Variants in NELL1 observed in about 807,000 individuals in gnomAD.
The protein encoded by NELL1 is protein kinase C-binding protein NELL1.
In NELL1, 76 loss-of-function variants were observed where a neutral mutation model predicts 107.4. The ratio of observed to expected loss-of-function variants is 0.71; its 90% CI spans 0.59 to 0.86. NELL1 has a LOEUF of 0.86. Among genes scored for constraint, NELL1 ranks in the 40% least tolerant of loss-of-function variants. The probability of loss-of-function intolerance (pLI) is 0.00; values close to 1 mark genes in which losing one functional copy is unlikely to be tolerated. For missense variants in NELL1, 1,024 were observed against 1,005.5 expected, an observed-to-expected ratio of 1.02 and a Z score of -0.25; for synonymous variants, 353 against 341.2, an observed-to-expected ratio of 1.03 and a Z score of -0.38.
chr11:20,713,935 A>T (rs1240896224), intron 2 of NELL1, among the ~76,000 whole-genome samples: 1 of 152,126 alleles, frequency 6.6e-6, no homozygotes, highest in Admixed American at 6.5e-5. Context: ...AGATCTGGAT[A>T]TTCAGATTCC....
At chr11:21,225,499 C>A (rs1250294477) in intron 13 of NELL1, among the ~76,000 whole-genome samples, 2 of 152,082 alleles carry the variant, frequency 1.3e-5, no homozygotes, top group Non-Finnish European at 2.9e-5. Context: ...TCTGTAATGC[C>A]TTTTTAAGTT....
chr11:21,134,315 ATTGTTG>A (rs959164583), intron 13 of NELL1, among the ~76,000 whole-genome samples: 1 of 152,018 alleles, frequency 6.6e-6, no homozygotes, highest in Non-Finnish European at 1.5e-5. Context: ...TTTTGTCCTT[ATTGTTG>A]TTGTTGTTGG....
chr11:21,221,110 G>T (rs1217586079), intron 13 of NELL1, among the ~76,000 whole-genome samples: 1 of 152,084 alleles, frequency 6.6e-6, no homozygotes, highest in Non-Finnish European at 1.5e-5. Context: ...TGCTTTCTCT[G>T]CATCTATTGA....
intron 9 of NELL1, 49 bp from the exon 10 acceptor site, chr11:20,937,737 T>C (rs761398046): frequency 4.2e-6 from 6 of 1,419,564 alleles, no homozygotes; most frequent in Non-Finnish European, 5.0e-6. Flanking sequence ...TCTGAGGTCA[T>C]TTTGTGGCAC....
At chr11:21,489,859 G>A (rs1214529007) in intron 15 of NELL1, among the ~76,000 whole-genome samples, 1 of 152,004 alleles carries the variant, frequency 6.6e-6, no homozygotes, top group Non-Finnish European at 1.5e-5. Flanking sequence ...GTGGGGAAAA[G>A]CTGAAAATTT....
chr11:20,841,657 C>T lies in NELL1; in HGVS notation c.336-5926C>T, dbSNP rs1848625035. ...TTTTTGGAGGTGGATCTCTTTTAGC[C>T]AGAGGAAATCTTACAGGAAACTCCA... On this transcript the variant is annotated intron_variant, in intron 3 of 19. Transcript: ENST00000357134. Among the ~76,000 whole-genome samples, 3 of 152,138 alleles carry T rather than the reference C, an allele frequency of 2.0e-5. No individual in the cohort carries two copies. The South Asian group carries it at 6.2e-4, about 32-fold the overall frequency.
chr11:20,774,579 C>T (rs1856712379), intron 2 of NELL1, among the ~76,000 whole-genome samples: 1 of 151,992 alleles, frequency 6.6e-6, no homozygotes, highest in South Asian at 2.1e-4. Context: ...GATCCATTCA[C>T]TTTTGTTTGT....
chr11:20,958,657 G>C (rs1851228319), intron 11 of NELL1, among the ~76,000 whole-genome samples: 1 of 152,184 alleles, frequency 6.6e-6, no homozygotes, highest in Non-Finnish European at 1.5e-5. Context: ...AATTGAAATT[G>C]AGCACAGTCA....
At chr11:21,410,067 T>G (rs1046860966) in intron 15 of NELL1, among the ~76,000 whole-genome samples, 17 of 152,108 alleles carry the variant, frequency 1.1e-4, no homozygotes. Context: ...AAAACAATCT[T>G]GCCTTTTCAA....
At chr11:21,488,911 G>A (rs571527792) in intron 15 of NELL1, among the ~76,000 whole-genome samples, 4 of 151,954 alleles carry the variant, frequency 2.6e-5, no homozygotes, top group Admixed American at 2.6e-4. Context: ...CACAAAATTA[G>A]CAGAAGGAAA....
intron 2 of NELL1, among the ~76,000 whole-genome samples, chr11:20,707,694 G>A (rs1855003053): frequency 6.6e-6 from 1 of 152,214 alleles, no homozygotes; most frequent in South Asian, 2.1e-4. Context: ...AAGTATTGCA[G>A]AACGGCAGAT....
At chr11:21,050,607 C>T (rs572208340) in intron 12 of NELL1, among the ~76,000 whole-genome samples, 38 of 152,274 alleles carry the variant, frequency 2.5e-4, no homozygotes, top group African/African-American at 9.1e-4. Flanking sequence ...AGGCTTGGTT[C>T]AGGGTCAGTA....
At chr11:21,458,460 A>G (rs1342566382) in intron 15 of NELL1, among the ~76,000 whole-genome samples, 2 of 152,186 alleles carry the variant, frequency 1.3e-5, no homozygotes, top group African/African-American at 2.4e-5. Flanking sequence ...AAAAGGAAAC[A>G]ATCTTTATGC....
intron 15 of NELL1, among the ~76,000 whole-genome samples, chr11:21,375,759 T>C (rs929942365): frequency 7.9e-5 from 12 of 152,264 alleles, no homozygotes; most frequent in South Asian, 4.1e-4. Context: ...TGGTGTGAGA[T>C]GGTATTTCAC....
chr11:21,454,803 A>G (rs1017274796), intron 15 of NELL1, among the ~76,000 whole-genome samples: 1 of 152,174 alleles, frequency 6.6e-6, no homozygotes, highest in African/African-American at 2.4e-5. Context: ...TCCTCTTCTT[A>G]AAGGGACACT....
chr11:21,189,963 G>A (rs987561923), intron 13 of NELL1, among the ~76,000 whole-genome samples: 3 of 151,828 alleles, frequency 2.0e-5, no homozygotes, highest in African/African-American at 7.3e-5. Flanking sequence ...TCAGTCATTG[G>A]ATGAACAAGA....
At chr11:21,214,190 A>G (rs1357662569) in intron 13 of NELL1, among the ~76,000 whole-genome samples, 1 of 152,174 alleles carries the variant, frequency 6.6e-6, no homozygotes, top group Non-Finnish European at 1.5e-5. Flanking sequence ...TCTGTTGAAC[A>G]TCCTAAATCC....
chr11:21,125,480 C>G (rs1306055496), intron 13 of NELL1, among the ~76,000 whole-genome samples: 1 of 152,106 alleles, frequency 6.6e-6, no homozygotes, highest in Non-Finnish European at 1.5e-5. Flanking sequence ...TATTACTTTT[C>G]TAATTCTATG....
intron 14 of NELL1, among the ~76,000 whole-genome samples, chr11:21,337,813 TTTCC>T (rs1166955189): frequency 4.5e-3 from 191 of 42,192 alleles, no homozygotes; most frequent in Middle Eastern, 0.021. Context: ...TCTTTCTTGC[TTTCC>T]TTCTTTCTTT....
Sources: gnomAD v4.1 joint callset for allele counts (sites outside exome capture counted in the v4.1 genomes callset) on GRCh38, gnomAD v4.1.1 for gene constraint, MANE v1.5 for transcripts, NCBI Gene and HGNC (gene_info 2026-07-23, HGNC 2026-07-21) for gene names.